COL4A2: variants seen among roughly 807,000 people sequenced by gnomAD.
COL4A2 encodes the protein collagen type IV alpha 2 chain, also known as collagen alpha-2(IV) chain.
COL4A2 carries 99 observed loss-of-function variants against 200.2 expected under a neutral mutation model. The ratio of observed to expected loss-of-function variants is 0.49; its 90% CI spans 0.42 to 0.58. COL4A2 has a LOEUF of 0.58. COL4A2 is among the 20% of genes least tolerant of loss of function. COL4A2 has a pLI of 0.00. For missense variants in COL4A2, 1,950 were observed against 2,314.1 expected, an observed-to-expected ratio of 0.84 and a Z score of 3.23; for synonymous variants, 897 against 900.6, an observed-to-expected ratio of 1.00 and a Z score of 0.07.
chr13:110,362,015 C>A (rs1376098633), intron 4 of COL4A2, among the ~76,000 whole-genome samples: 1 of 152,190 alleles, frequency 6.6e-6, no homozygotes, highest in African/African-American at 2.4e-5. Context: ...AATTCTTTTT[C>A]CAGCATAATC....
intron 18 of COL4A2, among the ~76,000 whole-genome samples, chr13:110,448,784 G>A (rs1881422948): frequency 6.6e-6 from 1 of 152,236 alleles, no homozygotes; most frequent in Non-Finnish European, 1.5e-5. Flanking sequence ...TGTCCTAGTT[G>A]TACTTTTCAG....
chr13:110,469,831 A>T (rs1158767575), intron 28 of COL4A2, among the ~76,000 whole-genome samples: 1 of 149,120 alleles, frequency 6.7e-6, no homozygotes, highest in East Asian at 2.0e-4. Context: ...CTGCAGACAT[A>T]GGTGTCTTGC....
chr13:110,458,008 T>C (rs1881844467), intron 21 of COL4A2: 1 of 419,418 alleles, frequency 2.4e-6, no homozygotes, highest in South Asian at 1.8e-5. Flanking sequence ...TCTGTGAGGC[T>C]CTGTGGGCCC....
intron 20 of COL4A2, among the ~76,000 whole-genome samples, chr13:110,453,269 A>AG (rs949692334): frequency 2.4e-4 from 37 of 152,102 alleles, no homozygotes; most frequent in African/African-American, 1.9e-4. Flanking sequence ...GGGAAAGCCG[A>AG]GGGGGGCCGA....
chr13:110,396,487 G>C (rs61659590), intron 4 of COL4A2, among the ~76,000 whole-genome samples: 3,766 of 152,282 alleles, frequency 0.025, 67 homozygotes, highest in Middle Eastern at 0.058. Flanking sequence ...TTCAGCTGAG[G>C]CAGGGGGATT....
intron 27 of COL4A2, among the ~76,000 whole-genome samples, chr13:110,468,917 T>C (rs1882355157): frequency 6.6e-6 from 1 of 151,940 alleles, no homozygotes; most frequent in Non-Finnish European, 1.5e-5. Flanking sequence ...GTCACACAGA[T>C]AGAATGGTAG....
chr13:110,379,977 C>G (rs566001241), intron 4 of COL4A2, among the ~76,000 whole-genome samples: 3 of 152,314 alleles, frequency 2.0e-5, no homozygotes, highest in Admixed American at 1.3e-4. Flanking sequence ...AGCTCTCTCC[C>G]GTGTCCCAGT....
intron 4 of COL4A2, among the ~76,000 whole-genome samples, chr13:110,388,567 C>G (rs1157431572): frequency 6.6e-6 from 1 of 152,190 alleles, no homozygotes; most frequent in Admixed American, 6.5e-5. Flanking sequence ...AGTTTTTAAT[C>G]CATCAGAGAG....
At chr13:110,438,299 C>G (rs951844262) in intron 14 of COL4A2, among the ~76,000 whole-genome samples, 1 of 152,224 alleles carries the variant, frequency 6.6e-6, no homozygotes, top group Admixed American at 6.5e-5. Context: ...GGCGGAGGGG[C>G]GTGGCTTCCA....
rs1193775766 is a variant in COL4A2, at chr13:110,473,022, C to T, written c.2297C>T (p.Pro766Leu). 1.3e-6 allele frequency: 2 copies of T among 1,516,316 alleles called. No homozygotes were observed. Among genetic ancestry groups the T allele is most frequent in the Non-Finnish European group, 1.8e-6 (2 of 1,133,008 alleles). The allele number at this position is 1,516,316 out of a possible 1,614,324, so 93.9% of individuals were successfully genotyped here. ...ATCGGCCTGCCAGGGCCAGATGGGC[C>T]CCCTGGGGAAAGGGGCCTCCCTGGA... ...GPIGLPGPDG[P>L]PGERGLPGEV... Residue 766 changes from proline to leucine, a missense_variant, in exon 29 of 48, where the codon CCC becomes CTC. Coordinates refer to ENST00000360467, the MANE Select transcript of COL4A2 (RefSeq NM_001846.4).
rs560362571 is a variant in COL4A2, at chr13:110,358,930, G to A, written c.180+1378G>A. ...TTCATTCATTGTTCATTATAAGTACGTACGTGTGTTTGCATGTGTGTATAT... is the reference window on the plus strand; with the variant it reads ...TTCATTCATTGTTCATTATAAGTACATACGTGTGTTTGCATGTGTGTATAT... On this transcript the variant is annotated intron_variant, in intron 4 of 47. Transcript: ENST00000360467. 1.6e-4 allele frequency among the ~76,000 whole-genome samples: 24 copies of A among 152,126 alleles called. 1 individual carries two copies. The highest frequency in any genetic ancestry group is 1.8e-4 in the Non-Finnish European group (12 of 68,016).
Position 110,470,018 on chromosome 13 carries a change from G to A in COL4A2, c.2203+694G>A, listed in dbSNP as rs142038105. 7.3e-3 allele frequency among the ~76,000 whole-genome samples: 1,079 copies of A among 148,298 alleles called. 32 individuals are homozygous for A. Among genetic ancestry groups the A allele is most frequent in the East Asian group, 0.023 (111 of 4,902 alleles). On this transcript the variant is annotated intron_variant, in intron 28 of 47. Coordinates refer to ENST00000360467, the MANE Select transcript of COL4A2 (RefSeq NM_001846.4). ...CAACCTCCGCCTTCTGGGTTCAAGCGACTCTCCTGCCTCAGCCTCCTGAGT... is the reference window on the plus strand; with the variant it reads ...CAACCTCCGCCTTCTGGGTTCAAGCAACTCTCCTGCCTCAGCCTCCTGAGT...
At chr13:110,467,180 C>G in intron 27 of COL4A2, 84 bp downstream of exon 27, 1 of 1,564,436 alleles carries the variant, frequency 6.4e-7, no homozygotes, top group Non-Finnish European at 8.7e-7. Flanking sequence ...CATCTTTCCT[C>G]TGGTCCTGCA....
chr13:110,488,855 G>C (rs996688296), intron 34 of COL4A2, among the ~76,000 whole-genome samples: 1 of 152,206 alleles, frequency 6.6e-6, no homozygotes, highest in African/African-American at 2.4e-5. Context: ...CCACACTGTC[G>C]TGATGGAGAC....
chr13:110,449,932 C>A, intron 19 of COL4A2, 143 bp downstream of exon 19: 2 of 911,134 alleles, frequency 2.2e-6, no homozygotes, highest in Non-Finnish European at 3.3e-6. Context: ...CTCTAAGGAG[C>A]CCCGCACACA....
chr13:110,332,898 C>A (rs1034670603), intron 3 of COL4A2, among the ~76,000 whole-genome samples: 1 of 152,186 alleles, frequency 6.6e-6, no homozygotes, highest in Admixed American at 6.5e-5. Flanking sequence ...TCTGAACACA[C>A]GGTGCTATTT....
At chr13:110,462,016 G>A in intron 22 of COL4A2, 98 bp from the exon 23 acceptor site, 4 of 1,537,196 alleles carry the variant, frequency 2.6e-6, no homozygotes, top group Non-Finnish European at 3.5e-6. Context: ...ACGGGTGACT[G>A]CCTGCCAGCT....
chr13:110,472,201 C>A (rs929522984), intron 28 of COL4A2, among the ~76,000 whole-genome samples: 1 of 150,912 alleles, frequency 6.6e-6, no homozygotes, highest in South Asian at 2.1e-4. Context: ...CTGCAAGCTC[C>A]GCCTCCCGGG....
At chr13:110,482,399 A>G in intron 31 of COL4A2, 117 bp from the exon 32 acceptor site, 1 of 1,118,132 alleles carries the variant, frequency 8.9e-7, no homozygotes, top group Non-Finnish European at 1.3e-6. Context: ...TCCCTATTTT[A>G]GGTTCAGAAT....
Sources: gnomAD v4.1 joint callset for allele counts (sites outside exome capture counted in the v4.1 genomes callset) on GRCh38, gnomAD v4.1.1 for gene constraint, MANE v1.5 for transcripts, NCBI Gene and HGNC (gene_info 2026-07-23, HGNC 2026-07-21) for gene names.